FSTL4: variants seen among roughly 807,000 people sequenced by gnomAD.
The protein encoded by FSTL4 is follistatin like 4, also known as follistatin-related protein 4.
Under a neutral mutation model 78.2 loss-of-function variants are expected in FSTL4, and 28 were observed. That is an observed-to-expected ratio of 0.36 (90% CI 0.27 to 0.49). The LOEUF (loss-of-function observed/expected upper bound fraction) is 0.49. Among genes scored for constraint, FSTL4 ranks in the 20% least tolerant of loss-of-function variants. The pLI is 0.98. For missense variants in FSTL4, 922 were observed against 1,084.9 expected (o/e 0.85, Z 2.11); for synonymous variants, 422 against 440.5 (o/e 0.96, Z 0.53).
intron 3 of FSTL4, among the ~76,000 whole-genome samples, chr5:133,409,251 T>C (rs1756430976): frequency 6.6e-6 from 1 of 152,064 alleles, no homozygotes; most frequent in Non-Finnish European, 1.5e-5. Flanking sequence ...TGTCAGGTAG[T>C]CACCAGGGCC....
the FSTL4 span, among the ~76,000 whole-genome samples, chr5:133,809,365 CAAAAA>C: frequency 4.1e-5 from 3 of 72,342 alleles, no homozygotes. Context: ...GACACTGTCT[CAAAAA>C]AAAAAAAAAA....
rs533173524 is a variant in FSTL4, at chr5:133,351,705, T to C, written c.410-35053A>G. Among the ~76,000 whole-genome samples, 9 of 152,250 alleles carry C rather than the reference T, an allele frequency of 5.9e-5. No homozygotes were observed. In the East Asian group the frequency reaches 1.5e-3, roughly 26 times the overall value. The stretch of plus-strand genomic sequence containing the variant: ...TCACTGCAACCTTCACCTCCTGGGT[T>C]CAAGCAATTCTCCTGCCTCAGCCTC... On this transcript the variant is annotated intron_variant, in intron 4 of 15. Transcript: ENST00000265342.
At chr5:133,636,258 G>C in the FSTL4 span, among the ~76,000 whole-genome samples, 1 of 152,190 alleles carries the variant, frequency 6.6e-6, no homozygotes. Flanking sequence ...AGGGAGAGAG[G>C]CTGGGCTCAT....
chr5:133,248,149 G>T (rs535777260), intron 7 of FSTL4: 1 of 152,318 alleles, frequency 6.6e-6, no homozygotes, highest in Non-Finnish European at 1.5e-5. Context: ...GGTGGGGCAG[G>T]TTTGATGGCT....
intron 8 of FSTL4, among the ~76,000 whole-genome samples, chr5:133,229,676 A>G (rs1281991534): frequency 1.3e-5 from 2 of 152,248 alleles, no homozygotes; most frequent in South Asian, 2.1e-4. Context: ...CAAATGTTGC[A>G]AAGTGGGGTG....
the FSTL4 span, among the ~76,000 whole-genome samples, chr5:133,728,475 G>T: frequency 6.6e-6 from 1 of 152,168 alleles, no homozygotes; most frequent in Non-Finnish European, 1.5e-5. Context: ...GGTAAATAAG[G>T]TCCATCCACC....
Position 133,316,507 on chromosome 5 carries a change from G to C in FSTL4, c.555C>G (p.Asp185Glu). 6.2e-7 allele frequency: 1 copy of C among 1,614,150 alleles called. No individual in the cohort carries two copies. Among genetic ancestry groups the C allele is most frequent in the Non-Finnish European group, 8.5e-7 (1 of 1,180,020 alleles). ...GGTGGCCATTGCCATCTGCATCTAA[G>C]TCCCTGAACAGAGATTCCACCAGGA... ...KRLLVESLFR[D>E]LDADGNGHLS... is the part of the protein sequence containing the mutation. The change falls in exon 5 of 16, where the codon GAC becomes GAG. Residue 185 changes from aspartate to glutamate, a missense_variant. Coordinates refer to ENST00000265342, the MANE Select transcript of FSTL4 (RefSeq NM_015082.2).
At chr5:133,824,143 G>A in the FSTL4 span, among the ~76,000 whole-genome samples, 1 of 152,176 alleles carries the variant, frequency 6.6e-6, no homozygotes, top group East Asian at 1.9e-4. Context: ...GACACCAGCT[G>A]GGTGTCCTCT....
chr5:133,212,271 T>C (rs899937873), intron 13 of FSTL4, among the ~76,000 whole-genome samples: 2 of 152,218 alleles, frequency 1.3e-5, no homozygotes, highest in Non-Finnish European at 2.9e-5. Flanking sequence ...CCTTCTCCCA[T>C]TGGATTTCAT....
At chr5:133,305,142 C>T (rs929323609) in intron 6 of FSTL4, among the ~76,000 whole-genome samples, 2 of 152,336 alleles carry the variant, frequency 1.3e-5, no homozygotes, top group African/African-American at 4.8e-5. Flanking sequence ...CAACAGTCAT[C>T]ACCGGAGGCC....
At chr5:133,672,173 G>A in the FSTL4 span, among the ~76,000 whole-genome samples, 1 of 152,168 alleles carries the variant, frequency 6.6e-6, no homozygotes, top group Non-Finnish European at 1.5e-5. Context: ...GATGTGCTTT[G>A]GACGATAAAA....
intron 7 of FSTL4, among the ~76,000 whole-genome samples, chr5:133,233,816 G>A (rs182391809): frequency 1.2e-4 from 18 of 152,198 alleles, no homozygotes; most frequent in East Asian, 5.8e-4. Flanking sequence ...CCCAGCACAC[G>A]CCCTCTCAAT....
At chr5:133,748,924 A>C in the FSTL4 span, among the ~76,000 whole-genome samples, 6 of 152,218 alleles carry the variant, frequency 3.9e-5, no homozygotes, top group Non-Finnish European at 7.3e-5. Context: ...CCAGAGACAC[A>C]AAGCCCAGAG....
chr5:133,324,499 GCCTAACGGGCAC>G (rs983545459), intron 4 of FSTL4, among the ~76,000 whole-genome samples: 65 of 152,328 alleles, frequency 4.3e-4, no homozygotes, highest in African/African-American at 1.6e-3. Context: ...CACCAATCCT[GCCTAACGGGCAC>G]CCTCGTGTGC....
intron 8 of FSTL4, among the ~76,000 whole-genome samples, chr5:133,226,932 G>A (rs909002442): frequency 2.3e-4 from 35 of 152,114 alleles, no homozygotes; most frequent in African/African-American, 8.4e-4. Context: ...GTGGGCAGAG[G>A]ATAAAAGAAA....
At chr5:133,643,877 G>A in the FSTL4 span, among the ~76,000 whole-genome samples, 5 of 152,294 alleles carry the variant, frequency 3.3e-5, no homozygotes, top group Non-Finnish European at 5.9e-5. Context: ...TGAGAGCCTC[G>A]CAGCAATTCG....
the FSTL4 span, among the ~76,000 whole-genome samples, chr5:133,794,645 A>T: frequency 4.5e-4 from 68 of 152,308 alleles, 3 homozygotes; most frequent in South Asian, 0.014. Context: ...ATAAAACCTG[A>T]CAAGCTGCAG....
At chr5:133,746,772 A>G in the FSTL4 span, among the ~76,000 whole-genome samples, 3 of 152,222 alleles carry the variant, frequency 2.0e-5, no homozygotes, top group Admixed American at 6.5e-5. Flanking sequence ...ATTTAGGTCT[A>G]TCCTAATTGT....
rs183553209 is a variant in FSTL4, at chr5:133,277,150, A to G, written c.728-27574T>C. 8.2e-4 allele frequency among the ~76,000 whole-genome samples: 125 copies of G among 152,250 alleles called. 1 individual carries two copies. The highest frequency in any genetic ancestry group is 2.9e-3 in the African/African-American group (120 of 41,558). On this transcript the variant is annotated intron_variant, in intron 6 of 15. Coordinates refer to ENST00000265342, the MANE Select transcript of FSTL4 (RefSeq NM_015082.2). ...AACATGGTGAAACCCTGTCTCTACT[A>G]AAAATGAAAAAATAAATTAGCTGGG... is the stretch of plus-strand genomic sequence containing the variant.
Sources: allele counts gnomAD v4.1 joint callset (sites outside exome capture counted in the v4.1 genomes callset), GRCh38; gene constraint gnomAD v4.1.1; transcripts MANE v1.5; gene names NCBI Gene and HGNC (gene_info 2026-07-23, HGNC 2026-07-21).